The following CNTN3 variants were observed in gnomAD, a reference collection of about 807,000 sequenced individuals.
CNTN3 encodes contactin 3, also known as contactin-3.
A neutral mutation model predicts 119.1 loss-of-function variants in CNTN3; 60 were observed. The ratio of observed to expected loss-of-function variants is 0.50; its 90% CI spans 0.41 to 0.62. CNTN3 has a LOEUF of 0.62. Ranked by LOEUF, CNTN3 falls within the 20% of genes least tolerant of loss-of-function variation. The pLI is 0.00. For synonymous variants in CNTN3, 450 were observed against 438.7 expected, an observed-to-expected ratio of 1.03 and a Z score of -0.32; for missense variants, 1,101 against 1,242.4, an observed-to-expected ratio of 0.89 and a Z score of 1.71.
At chr3:74,388,262 C>T (rs930455443) in intron 5 of CNTN3, among the ~76,000 whole-genome samples, 7 of 152,238 alleles carry the variant, frequency 4.6e-5, no homozygotes, top group African/African-American at 1.7e-4. Context: ...AAAGTCTACA[C>T]TGTAAATATT....
intron 13 of CNTN3, among the ~76,000 whole-genome samples, chr3:74,326,694 C>T (rs1461279840): frequency 6.6e-6 from 1 of 151,730 alleles, no homozygotes; most frequent in Non-Finnish European, 1.5e-5. Flanking sequence ...TTGAGTAGCC[C>T]TAATATAAAA....
At position 74,297,953 on chromosome 3, in the gene CNTN3, A is replaced by G. The variant is rs1041183631; in HGVS notation, c.2401+4T>C. On this transcript the variant is annotated splice_donor_region_variant and intron_variant, in intron 18 of 22. Coordinates refer to ENST00000263665, the MANE Select transcript of CNTN3 (RefSeq NM_020872.3). ...GAACTGATATACAGTCATGTTTTCC[A>G]TACCTTCTTCTGCAGAGAACACTGT... 6.2e-7 allele frequency: 1 copy of G among 1,606,046 alleles called. No individual in the cohort carries two copies. The highest frequency in any genetic ancestry group is 1.3e-5 in the African/African-American group (1 of 74,748).
At chr3:74,449,224 C>A (rs1272004837) in intron 4 of CNTN3, among the ~76,000 whole-genome samples, 1 of 151,606 alleles carries the variant, frequency 6.6e-6, no homozygotes, top group Non-Finnish European at 1.5e-5. Flanking sequence ...CATTTCATTG[C>A]CAACTGACAT....
chr3:74,475,807 T>C (rs1317351192), intron 4 of CNTN3, among the ~76,000 whole-genome samples: 1 of 152,204 alleles, frequency 6.6e-6, no homozygotes. Flanking sequence ...TCAAGGTCAT[T>C]CACAGGTACG....
intron 4 of CNTN3, among the ~76,000 whole-genome samples, chr3:74,482,156 A>G (rs1426570638): frequency 6.6e-6 from 1 of 152,008 alleles, no homozygotes; most frequent in Non-Finnish European, 1.5e-5. Flanking sequence ...AGAGGTGAAA[A>G]TAACTTTGAA....
At chr3:74,576,270 A>C (rs987327624) in intron 1 of CNTN3, among the ~76,000 whole-genome samples, 2 of 152,194 alleles carry the variant, frequency 1.3e-5, no homozygotes, top group African/African-American at 4.8e-5. Flanking sequence ...TTTGCCATAC[A>C]TATATGTGAA....
chr3:74,295,075 G>A (rs1559686343), intron 19 of CNTN3, 46 bp downstream of exon 19: 1 of 1,291,172 alleles, frequency 7.7e-7, no homozygotes, highest in Admixed American at 1.8e-5. Context: ...AGGAGACAAA[G>A]TGGCACGGTA....
At chr3:74,386,437 G>T (rs551666495) in intron 5 of CNTN3, among the ~76,000 whole-genome samples, 1 of 152,226 alleles carries the variant, frequency 6.6e-6, no homozygotes, top group Admixed American at 6.5e-5. Context: ...GGGCAACATG[G>T]TGAAAAATTT....
intron 11 of CNTN3, among the ~76,000 whole-genome samples, chr3:74,339,661 C>T (rs1459270941): frequency 6.6e-6 from 1 of 152,048 alleles, no homozygotes; most frequent in Non-Finnish European, 1.5e-5. Context: ...GCTCACTCAC[C>T]ACTAAATTTT....
At chr3:74,547,144 C>A (rs1036165328) in intron 1 of CNTN3, among the ~76,000 whole-genome samples, 2 of 152,136 alleles carry the variant, frequency 1.3e-5, no homozygotes, top group African/African-American at 4.8e-5. Context: ...TTCATTTACA[C>A]GTACACATTC....
rs1702314931 is a variant in CNTN3 at position 74,295,228 on chromosome 3, C to T, written c.2410G>A (p.Val804Met). Residue 804 changes from valine to methionine, a missense_variant, in exon 19 of 23, where the codon GTG becomes ATG. Physicochemically the swap from Val to Met is conservative, Grantham distance 21. Coordinates refer to ENST00000263665, the MANE Select transcript of CNTN3 (RefSeq NM_020872.3). The stretch of plus-strand genomic sequence containing the variant: ...TTTGCAGAGACTTGAGATGGGGCCA[C>T]TGTAGGCTCTGTTCGGAAACAGAAA... Reference protein sequence around the residue: ...TVFSAEEEPTVAPSQVSANSL... With the variant: ...TVFSAEEEPTMAPSQVSANSL... The T allele has an allele frequency of 6.3e-7, 1 of 1,583,874 alleles. No individual in the cohort carries two copies. Among genetic ancestry groups the T allele is most frequent in the East Asian group, 2.2e-5 (1 of 44,612 alleles).
chr3:74,570,986 G>A (rs1038367808), intron 1 of CNTN3, among the ~76,000 whole-genome samples: 5 of 152,144 alleles, frequency 3.3e-5, no homozygotes, highest in Admixed American at 6.6e-5. Flanking sequence ...GTTAATTCAC[G>A]TTTGAAGTAG....
At chr3:74,335,317 A>G (rs1703364248) in intron 12 of CNTN3, among the ~76,000 whole-genome samples, 2 of 152,186 alleles carry the variant, frequency 1.3e-5, no homozygotes, top group Admixed American at 1.3e-4. Context: ...CTAAACAGAC[A>G]TTTAATGGTA....
Position 74,524,607 on chromosome 3 carries a change from G to C in CNTN3, c.-80-3415C>G, listed in dbSNP as rs537955411. Among the ~76,000 whole-genome samples the C allele has an allele frequency of 6.5e-4, 99 of 151,876 alleles. 2 individuals carry two copies. Among genetic ancestry groups the C allele is most frequent in the Middle Eastern group, 6.8e-3 (2 of 294 alleles). ...TTTTCCTAGTGTAGACAAGTACTTG[G>C]TATGGATTTATTAGGTGGCAGATAG... On this transcript the variant is annotated intron_variant, in intron 1 of 22. Coordinates refer to ENST00000263665, the MANE Select transcript of CNTN3 (RefSeq NM_020872.3).
At chr3:74,442,548 C>T (rs1701985256) in intron 4 of CNTN3, among the ~76,000 whole-genome samples, 1 of 152,052 alleles carries the variant, frequency 6.6e-6, no homozygotes, top group African/African-American at 2.4e-5. Flanking sequence ...AATCAAGTAC[C>T]TAATTTTCTC....
At chr3:74,548,187 C>G (rs1369896072) in intron 1 of CNTN3, among the ~76,000 whole-genome samples, 1 of 152,144 alleles carries the variant, frequency 6.6e-6, no homozygotes, top group Non-Finnish European at 1.5e-5. Flanking sequence ...TTACACCAAT[C>G]TAATTGTCTA....
chr3:74,394,684 T>C (rs921783074), intron 5 of CNTN3, among the ~76,000 whole-genome samples: 9 of 152,156 alleles, frequency 5.9e-5, no homozygotes, highest in Non-Finnish European at 1.3e-4. Flanking sequence ...GTCATTTGAT[T>C]AAAAAAGATG....
intron 1 of CNTN3, among the ~76,000 whole-genome samples, chr3:74,533,439 C>T (rs4677412): frequency 0.99 from 150,616 of 152,116 alleles, 74,575 homozygotes; most frequent in Middle Eastern, 1. Flanking sequence ...ACAATTCTGG[C>T]ACTATGGGTG....
chr3:74,541,606 A>G (rs932239451), intron 1 of CNTN3, among the ~76,000 whole-genome samples: 3 of 152,184 alleles, frequency 2.0e-5, no homozygotes, highest in Admixed American at 1.3e-4. Flanking sequence ...GTAAAATCCA[A>G]ACAGTAGTGA....
Sources: gnomAD v4.1 joint callset for allele counts (sites outside exome capture counted in the v4.1 genomes callset) on GRCh38, gnomAD v4.1.1 for gene constraint, MANE v1.5 for transcripts, NCBI Gene and HGNC (gene_info 2026-07-23, HGNC 2026-07-21) for gene names.